PDE10A: variants seen among roughly 807,000 people sequenced by gnomAD.
The protein encoded by PDE10A is cAMP and cAMP-inhibited cGMP 3',5'-cyclic phosphodiesterase 10A.
A neutral mutation model predicts 97.7 loss-of-function variants in PDE10A; 39 were observed. The observed-to-expected ratio is 0.40, with a 90% CI of 0.31 to 0.52. The LOEUF is 0.52. Ranked by LOEUF, PDE10A falls within the 20% of genes least tolerant of loss-of-function variation. The pLI is 0.56. For missense variants in PDE10A, 731 were observed against 1,047.8 expected (o/e 0.70, Z 4.17); for synonymous variants, 371 against 376.8 (o/e 0.98, Z 0.18).
intron 1 of PDE10A, among the ~76,000 whole-genome samples, chr6:165,720,886 T>G (rs2128448470): frequency 6.6e-6 from 1 of 152,318 alleles, no homozygotes; most frequent in Admixed American, 6.5e-5. Context: ...TGTTCTCAAC[T>G]CAGAGGTCCT....
At chr6:165,740,931 A>C (rs1792705789) in intron 1 of PDE10A, among the ~76,000 whole-genome samples, 1 of 152,200 alleles carries the variant, frequency 6.6e-6, no homozygotes, top group Admixed American at 6.6e-5. Context: ...ATGTTGGCTG[A>C]ATTTTTGTTT....
At chr6:165,647,410 G>A (rs1314867599) in intron 1 of PDE10A, among the ~76,000 whole-genome samples, 1 of 152,344 alleles carries the variant, frequency 6.6e-6, no homozygotes, top group East Asian at 1.9e-4. Flanking sequence ...TCAGAGACAG[G>A]AGAGGGCAGA....
intron 1 of PDE10A, among the ~76,000 whole-genome samples, chr6:165,657,942 G>T (rs1367499279): frequency 6.6e-6 from 1 of 152,124 alleles, no homozygotes; most frequent in Admixed American, 6.5e-5. Context: ...GGTGTCCATA[G>T]CTATATTTCA....
chr6:165,650,242 G>A (rs1789610406), intron 1 of PDE10A, among the ~76,000 whole-genome samples: 1 of 152,098 alleles, frequency 6.6e-6, no homozygotes, highest in African/African-American at 2.4e-5. Context: ...GTACCTTCTT[G>A]CTAATTCTGA....
intron 1 of PDE10A, among the ~76,000 whole-genome samples, chr6:165,942,403 G>C (rs1489106367): frequency 6.6e-6 from 1 of 152,094 alleles, no homozygotes; most frequent in African/African-American, 2.4e-5. Context: ...CTTGAAGATA[G>C]TTACTAAGGA....
chr6:165,713,181 A>G (rs577726907), intron 1 of PDE10A, among the ~76,000 whole-genome samples: 26 of 152,146 alleles, frequency 1.7e-4, no homozygotes, highest in Non-Finnish European at 3.5e-4. Flanking sequence ...ACCACAAAGG[A>G]GCAGATCACG....
In PDE10A at chr6:165,530,269, ATGTG is replaced by A. The variant is rs71026692; in HGVS notation, c.994+13167_994+13170del. ...ACTTTAAGTAAAATCCTCTTTATAT[ATGTG>A]TGTGTGTGTGTGTGTGTGTGTGTGT... On this transcript the variant is annotated intron_variant, in intron 2 of 21. Coordinates refer to ENST00000539869, the MANE Select transcript of PDE10A (RefSeq NM_001385079.1). 9.1e-3 allele frequency among the ~76,000 whole-genome samples: 1,343 copies of A among 148,220 alleles called. 11 individuals carry two copies. The highest frequency in any genetic ancestry group is 0.03 in the African/African-American group (1,214 of 39,912).
At chr6:165,359,836 A>G (rs1012704731) in intron 18 of PDE10A, among the ~76,000 whole-genome samples, 6 of 151,944 alleles carry the variant, frequency 3.9e-5, no homozygotes, top group African/African-American at 1.5e-4. Context: ...CCAGTGCATT[A>G]CAAACGTAAA....
intron 2 of PDE10A, among the ~76,000 whole-genome samples, chr6:165,501,234 G>A (rs6941999): frequency 0.014 from 2,125 of 152,194 alleles, 44 homozygotes; most frequent in African/African-American, 0.048. Flanking sequence ...TGGAGGGGCA[G>A]GCCACCCCTT....
At chr6:165,668,020 CAAT>C (rs1251182146), upstream of PDE10A, among the ~76,000 whole-genome samples, 17 of 152,296 alleles carry the variant, frequency 1.1e-4, no homozygotes, top group South Asian at 6.2e-4. Flanking sequence ...TAGAACACAA[CAAT>C]GAGTTCTGTT....
chr6:165,703,814 G>C (rs1791639149), intron 1 of PDE10A, among the ~76,000 whole-genome samples: 2 of 152,152 alleles, frequency 1.3e-5, no homozygotes, highest in South Asian at 4.1e-4. Flanking sequence ...TCAGCTATGG[G>C]ACAGCCAGGG....
chr6:165,763,933 G>A (rs1027896152), intron 1 of PDE10A, among the ~76,000 whole-genome samples: 2 of 152,222 alleles, frequency 1.3e-5, no homozygotes, highest in Non-Finnish European at 2.9e-5. Flanking sequence ...AATCATAAGG[G>A]ATAAGTTATT....
At chr6:165,985,799 C>T (rs1274038961) in intron 1 of PDE10A, among the ~76,000 whole-genome samples, 1 of 152,196 alleles carries the variant, frequency 6.6e-6, no homozygotes, top group Non-Finnish European at 1.5e-5. Flanking sequence ...AAACAGTCAG[C>T]TGTCCCCAGT....
chr6:165,719,088 T>TC (rs1184444401), intron 1 of PDE10A, among the ~76,000 whole-genome samples: 1 of 151,304 alleles, frequency 6.6e-6, no homozygotes, highest in Non-Finnish European at 1.5e-5. Flanking sequence ...TTGAAGAAAT[T>TC]CCCCAGAAAA....
chr6:165,832,117 G>T (rs1321462072), intron 1 of PDE10A, among the ~76,000 whole-genome samples: 1 of 152,104 alleles, frequency 6.6e-6, no homozygotes, highest in Non-Finnish European at 1.5e-5. Flanking sequence ...CCCTAGGAAA[G>T]TCTCTAGTAT....
At chr6:165,433,184 T>C (rs560809298) in intron 6 of PDE10A, 55 bp from the exon 7 acceptor site, 10 of 1,337,416 alleles carry the variant, frequency 7.5e-6, no homozygotes, top group African/African-American at 2.9e-5. Flanking sequence ...CATTAAGTGA[T>C]GATTCTTATT....
intron 1 of PDE10A, among the ~76,000 whole-genome samples, chr6:165,969,891 A>G (rs181708378): frequency 6.6e-4 from 101 of 152,320 alleles, no homozygotes; most frequent in African/African-American, 2.4e-3. Flanking sequence ...TTTGGAGAAA[A>G]AGAAAATGTT....
chr6:165,986,626 G>A (rs1204962670), intron 1 of PDE10A: 2 of 152,028 alleles, frequency 1.3e-5, no homozygotes, highest in Non-Finnish European at 2.9e-5. Flanking sequence ...GCCGAGAGGG[G>A]AGGAGAGATC....
At chr6:165,697,939 A>G (rs2128443094) in intron 1 of PDE10A, among the ~76,000 whole-genome samples, 1 of 152,306 alleles carries the variant, frequency 6.6e-6, no homozygotes, top group South Asian at 2.1e-4. Context: ...TCCCTGGTTT[A>G]TTCCTGTTAC....
Sources: gnomAD v4.1 joint callset for allele counts (sites outside exome capture counted in the v4.1 genomes callset) on GRCh38, gnomAD v4.1.1 for gene constraint, MANE v1.5 for transcripts, NCBI Gene and HGNC (gene_info 2026-07-23, HGNC 2026-07-21) for gene names.